The following TYW1 variants were observed in gnomAD, a reference collection of about 807,000 sequenced individuals.
TYW1 encodes S-adenosyl-L-methionine-dependent tRNA 4-demethylwyosine synthase TYW1.
TYW1 carries 46 observed loss-of-function variants against 96.2 expected under a neutral mutation model. The ratio of observed to expected loss-of-function variants is 0.48; its 90% confidence interval spans 0.38 to 0.61. The LOEUF (loss-of-function observed/expected upper bound fraction) is 0.61. Among genes scored for constraint, TYW1 ranks in the 20% least tolerant of loss-of-function variants. TYW1 has a pLI of 0.00. For missense variants in TYW1, 684 were observed against 909.6 expected, an observed-to-expected ratio of 0.75 and a Z score of 3.19; for synonymous variants, 274 against 323.0, an observed-to-expected ratio of 0.85 and a Z score of 1.63.
At chr7:67,110,255 A>G (rs1339737600) in intron 12 of TYW1, among the ~76,000 whole-genome samples, 4 of 152,230 alleles carry the variant, frequency 2.6e-5, no homozygotes, top group Admixed American at 6.5e-5. Flanking sequence ...GCTCCATCGT[A>G]TTCCTGGGAA....
At chr7:67,212,858 T>C (rs1801081509) in intron 15 of TYW1, among the ~76,000 whole-genome samples, 1 of 152,008 alleles carries the variant, frequency 6.6e-6, no homozygotes, top group African/African-American at 2.4e-5. Context: ...TTAATTAGGT[T>C]GGTTTATTTT....
chr7:67,067,209 T>A (rs1795893497), intron 9 of TYW1, 76 bp from the exon 10 acceptor site: 1 of 1,475,504 alleles, frequency 6.8e-7, no homozygotes, highest in Non-Finnish European at 9.5e-7. Context: ...TGGTTTCTCT[T>A]AAAAATGATG....
chr7:67,224,190 C>T (rs1373505560), intron 15 of TYW1, among the ~76,000 whole-genome samples: 4 of 152,194 alleles, frequency 2.6e-5, no homozygotes, highest in East Asian at 3.8e-4. Flanking sequence ...TGCAATGGCA[C>T]GATCTCAGCT....
chr7:67,091,836 T>A (rs1563008018), intron 11 of TYW1, among the ~76,000 whole-genome samples: 1 of 152,090 alleles, frequency 6.6e-6, no homozygotes, highest in African/African-American at 2.4e-5. Flanking sequence ...TCATCAAGAA[T>A]TTTTTTTGTC....
At chr7:67,054,044 T>G (rs541699714) in intron 8 of TYW1, among the ~76,000 whole-genome samples, 5 of 152,332 alleles carry the variant, frequency 3.3e-5, no homozygotes, top group Non-Finnish European at 5.9e-5. Flanking sequence ...CTTAATTGTT[T>G]CCTATCTCTA....
Position 66,998,838 on chromosome 7 carries a change from T to A in TYW1, c.157T>A (p.Ser53Thr), listed in dbSNP as rs750133165. 2.8e-5 allele frequency: 45 copies of A among 1,614,004 alleles called. No individual in the cohort carries two copies. Among genetic ancestry groups the A allele is most frequent in the African/African-American group, 4.0e-5 (3 of 74,940 alleles). ...KTQGKNLQEK[S>T]VPKAAQDLMT... ...CAAGGGCAAGAACTTACAGGAAAAATCTGTTCCAAAAGCAGCTCAGGATTT... is the reference window on the plus strand; with the variant it reads ...CAAGGGCAAGAACTTACAGGAAAAAACTGTTCCAAAAGCAGCTCAGGATTT... Residue 53 changes from serine to threonine, a missense_variant, in exon 3 of 16, where the codon TCT (serine) becomes ACT (threonine). Coordinates refer to ENST00000359626, the MANE Select transcript of TYW1 (RefSeq NM_018264.4).
At chr7:67,095,229 C>G (rs1796857963) in intron 11 of TYW1, among the ~76,000 whole-genome samples, 1 of 152,038 alleles carries the variant, frequency 6.6e-6, no homozygotes, top group Non-Finnish European at 1.5e-5. Context: ...GAACTCCTGA[C>G]CTCAACTGAT....
intron 11 of TYW1, among the ~76,000 whole-genome samples, chr7:67,093,790 T>C (rs1372213520): frequency 1.3e-5 from 2 of 152,146 alleles, no homozygotes; most frequent in Admixed American, 1.3e-4. Context: ...GCTTAGATTG[T>C]TCTCATTTTG....
chr7:66,999,676 G>C (rs1448221075), intron 3 of TYW1, among the ~76,000 whole-genome samples: 4 of 152,048 alleles, frequency 2.6e-5, no homozygotes, highest in Non-Finnish European at 4.4e-5. Flanking sequence ...TCTATGTAAT[G>C]AAACTTGTTT....
intron 2 of TYW1, 78 bp downstream of exon 2, chr7:66,998,273 TTTAA>T: frequency 6.6e-7 from 1 of 1,508,458 alleles, no homozygotes; most frequent in South Asian, 1.3e-5. Context: ...AAAAGGAACC[TTTAA>T]TTACTTTTGT....
At chr7:67,128,375 C>T (rs144181010) in intron 13 of TYW1, among the ~76,000 whole-genome samples, 244 of 152,232 alleles carry the variant, frequency 1.6e-3, no homozygotes, top group African/African-American at 4.7e-3. Flanking sequence ...TCCAGCATTT[C>T]GATTTTGTTC....
intron 11 of TYW1, among the ~76,000 whole-genome samples, chr7:67,084,525 C>CT (rs11445938): frequency 0.23 from 32,771 of 145,526 alleles, 3,788 homozygotes; most frequent in African/African-American, 0.29. Context: ...TTTCTTTCTT[C>CT]TTTTTTTTTT....
At chr7:67,026,897 C>T (rs916150022) in intron 7 of TYW1, among the ~76,000 whole-genome samples, 10 of 152,170 alleles carry the variant, frequency 6.6e-5, no homozygotes, top group Non-Finnish European at 8.8e-5. Context: ...AAAAGGGACT[C>T]TAAAAATAAA....
At position 67,144,482 on chromosome 7, in the gene TYW1, G is replaced by GTT. The variant is rs11443807; in HGVS notation, c.1698+26870_1698+26871dup. Among the ~76,000 whole-genome samples the GTT allele has an allele frequency of 1.4e-4, 22 of 151,750 alleles. 1 individual carries two copies. The highest frequency in any genetic ancestry group is 2.6e-4 in the Admixed American group (4 of 15,246). ...CTACAACATCTCTTTGTTTTGTTTT[G>GTT]TTTTTTTGAGCTGGAGTCTTGCTCT... On this transcript the variant is annotated intron_variant, in intron 13 of 15. Coordinates refer to ENST00000359626, the MANE Select transcript of TYW1 (RefSeq NM_018264.4).
intron 13 of TYW1, among the ~76,000 whole-genome samples, chr7:67,140,038 G>A (rs1798395212): frequency 6.6e-6 from 1 of 151,788 alleles, no homozygotes; most frequent in South Asian, 2.1e-4. Flanking sequence ...TGGAAGGCAA[G>A]GAGGAGCAAG....
chr7:67,237,011 G>A (rs1167478918), intron 15 of TYW1, among the ~76,000 whole-genome samples: 1 of 151,924 alleles, frequency 6.6e-6, no homozygotes, highest in African/African-American at 2.4e-5. Context: ...TCAGCCTCCC[G>A]AGTAGCTGGG....
chr7:67,157,921 T>C (rs1486574849), intron 13 of TYW1, among the ~76,000 whole-genome samples: 1 of 152,190 alleles, frequency 6.6e-6, no homozygotes, highest in Admixed American at 6.5e-5. Context: ...AGGCTCATTC[T>C]TTGTGCTATA....
chr7:67,142,301 ACT>A (rs1265355509), intron 13 of TYW1, among the ~76,000 whole-genome samples: 1 of 152,132 alleles, frequency 6.6e-6, no homozygotes, highest in Non-Finnish European at 1.5e-5. Flanking sequence ...ATGGGGTCTC[ACT>A]GTGTTGCATA....
At position 67,018,137 on chromosome 7, in the gene TYW1, C is replaced by A. The variant is rs372125701; in HGVS notation, c.855C>A (p.Asp285Glu). 4 of 1,612,718 alleles carry A rather than the reference C, an allele frequency of 2.5e-6. No individual in the cohort carries two copies. The African/African-American group carries it at 5.3e-5, about 22-fold the overall frequency. Reference protein sequence around the residue: ...SHEQDELHHRDTEEEEPFESS... With the variant: ...SHEQDELHHRETEEEEPFESS... ...AGCAGGATGAATTGCATCATAGAGA[C>A]ACCGAGGTATACCGCCTGTGTGTTC... is the stretch of plus-strand genomic sequence containing the variant. Residue 285 changes from aspartate (D) to glutamate (E), a missense_variant, in exon 6 of 16, where the codon GAC becomes GAA. Asp to Glu is a conservative substitution (Grantham distance 45). Transcript: ENST00000359626.
Sources: gnomAD v4.1 joint callset for allele counts (sites outside exome capture counted in the v4.1 genomes callset) on GRCh38, gnomAD v4.1.1 for gene constraint, MANE v1.5 for transcripts, NCBI Gene and HGNC (gene_info 2026-07-23, HGNC 2026-07-21) for gene names.